Variants in ECRG4 observed in about 807,000 individuals in gnomAD.
ECRG4 encodes ECRG4 augurin precursor, also known as augurin.
ECRG4 carries 18 observed loss-of-function variants against 15.8 expected under a neutral mutation model. That is an observed-to-expected ratio of 1.14 (90% CI 0.79 to 1.69). The LOEUF (loss-of-function observed/expected upper bound fraction) is 1.69. Among genes scored for constraint, ECRG4 ranks in the 40% most tolerant of loss-of-function variants. The pLI, the probability that ECRG4 is intolerant of heterozygous loss-of-function variation, is 0.00. For synonymous variants in ECRG4, 82 were observed against 73.9 expected, an observed-to-expected ratio of 1.11 and a Z score of -0.56; for missense variants, 200 against 190.9, an observed-to-expected ratio of 1.05 and a Z score of -0.28.
chr2:106,070,889 C>T (rs1174234394), intron 1 of ECRG4: 1 of 470,974 alleles, frequency 2.1e-6, no homozygotes, highest in East Asian at 7.0e-5. Flanking sequence ...TTCCTTACAC[C>T]CGAAGTTGCT....
At chr2:106,067,421 T>A (rs1676250292) in intron 1 of ECRG4, among the ~76,000 whole-genome samples, 1 of 152,242 alleles carries the variant, frequency 6.6e-6, no homozygotes, top group Non-Finnish European at 1.5e-5. Flanking sequence ...AATAACTCAG[T>A]TAAAATATCA....
At position 106,074,063 on chromosome 2, in the gene ECRG4, G is replaced by A. The variant is rs760770764; in HGVS notation, c.285+20G>A. 1 of 1,608,536 alleles carries A rather than the reference G, an allele frequency of 6.2e-7. No individual in the cohort carries two copies. The highest frequency in any genetic ancestry group is 8.5e-7 in the Non-Finnish European group (1 of 1,176,668). The stretch of plus-strand genomic sequence containing the variant: ...GAAGCGGTAGGTGTTGCCTCCGGCT[G>A]CAGGCCTGGCTTCCACAGGGAAGGG... On this transcript the variant is annotated intron_variant, in intron 3 of 3. Coordinates refer to ENST00000238044, the MANE Select transcript of ECRG4 (RefSeq NM_032411.3).
At chr2:106,064,784 C>T (rs1190211755), upstream of ECRG4, among the ~76,000 whole-genome samples, 10 of 152,204 alleles carry the variant, frequency 6.6e-5, no homozygotes, top group Admixed American at 2.0e-4. Flanking sequence ...ACATCTCCAT[C>T]CTTTTGTAGC....
At chr2:106,070,658 CACAA>C (rs963313850) in intron 1 of ECRG4, 4 of 201,008 alleles carry the variant, frequency 2.0e-5, no homozygotes, top group East Asian at 2.6e-4. Context: ...ATGTATAATT[CACAA>C]ACAAAGCAGG....
upstream of ECRG4, among the ~76,000 whole-genome samples, chr2:106,063,912 G>A (rs570663716): frequency 1.3e-5 from 2 of 152,336 alleles, no homozygotes; most frequent in South Asian, 2.1e-4. Context: ...TGTCATATTA[G>A]AAGTAGATAT....
intron 1 of ECRG4, chr2:106,071,039 A>G: frequency 2.1e-6 from 1 of 471,006 alleles, no homozygotes; most frequent in Non-Finnish European, 4.4e-6. Context: ...AGCTGATCAG[A>G]AACACTTTTA....
At chr2:106,064,705 G>A (rs1300479545), upstream of ECRG4, among the ~76,000 whole-genome samples, 2 of 152,152 alleles carry the variant, frequency 1.3e-5, no homozygotes, top group Admixed American at 6.6e-5. Flanking sequence ...TGAGAACCTT[G>A]GTGAAGGAAA....
chr2:106,068,211 C>G (rs1467087480), intron 1 of ECRG4, among the ~76,000 whole-genome samples: 2 of 152,054 alleles, frequency 1.3e-5, no homozygotes, highest in Non-Finnish European at 2.9e-5. Flanking sequence ...TAATATTAAG[C>G]ACCTTCAAAG....
chr2:106,070,525 CT>C (rs1239770766), intron 1 of ECRG4, among the ~76,000 whole-genome samples: 1 of 152,200 alleles, frequency 6.6e-6, no homozygotes, highest in East Asian at 1.9e-4. Context: ...AAAATGCAGC[CT>C]CAGGTGAGGC....
Position 106,075,164 on chromosome 2 carries a change from T to C in ECRG4, c.285+1121T>C, listed in dbSNP as rs1676458248. On this transcript the variant is annotated intron_variant, in intron 3 of 3. Coordinates refer to ENST00000238044, the MANE Select transcript of ECRG4 (RefSeq NM_032411.3). Reference sequence around the variant, plus strand: ...CTGTTATTTGCATCTCTGTACAGTTTGCCTTTTACTTAGACCACATTCTTC... The same window carrying C: ...CTGTTATTTGCATCTCTGTACAGTTCGCCTTTTACTTAGACCACATTCTTC... Among the ~76,000 whole-genome samples the C allele has an allele frequency of 2.0e-5, 3 of 152,220 alleles. No individual in the cohort carries two copies. In the South Asian group the frequency reaches 6.2e-4, roughly 32 times the overall value.
At chr2:106,063,615 C>T (rs1676146398), upstream of ECRG4, among the ~76,000 whole-genome samples, 14 of 152,138 alleles carry the variant, frequency 9.2e-5, no homozygotes, top group Admixed American at 9.2e-4. Context: ...TAGTGTCTCG[C>T]TTTGTCACCC....
chr2:106,074,502 T>C (rs1413554232), intron 3 of ECRG4, among the ~76,000 whole-genome samples: 2 of 152,148 alleles, frequency 1.3e-5, no homozygotes, highest in African/African-American at 4.8e-5. Flanking sequence ...TGGGTCTTTG[T>C]AGAGGTTTTG....
intron 3 of ECRG4, among the ~76,000 whole-genome samples, chr2:106,077,376 C>T (rs1676508618): frequency 6.6e-6 from 1 of 152,148 alleles, no homozygotes. Context: ...GGGCCAGGCA[C>T]AGGAATGGGG....
chr2:106,070,408 A>G (rs1307719527), intron 1 of ECRG4, among the ~76,000 whole-genome samples: 1 of 152,208 alleles, frequency 6.6e-6, no homozygotes, highest in African/African-American at 2.4e-5. Flanking sequence ...TCCAAATGCT[A>G]CAGGAGGCTA....
At chr2:106,071,938 A>G (rs571301511) in intron 2 of ECRG4, 47 bp downstream of exon 2, 24 of 1,502,760 alleles carry the variant, frequency 1.6e-5, no homozygotes, top group Non-Finnish European at 1.9e-5. Context: ...AACTGGATGG[A>G]AATGAAATGG....
chr2:106,066,480 C>G (rs1676217807), intron 1 of ECRG4, among the ~76,000 whole-genome samples: 2 of 152,228 alleles, frequency 1.3e-5, no homozygotes, highest in African/African-American at 4.8e-5. Context: ...GATATCTGAT[C>G]GCTGGGCTCC....
chr2:106,067,032 A>G (rs1676229967), intron 1 of ECRG4, among the ~76,000 whole-genome samples: 1 of 112,046 alleles, frequency 8.9e-6, no homozygotes, highest in African/African-American at 3.4e-5. Flanking sequence ...GGTGGTTCAT[A>G]CCTGTAATCC....
chr2:106,065,617 C>G, upstream of ECRG4: 1 of 511,724 alleles, frequency 2.0e-6, no homozygotes, highest in Non-Finnish European at 3.2e-6. Flanking sequence ...CCCTCTGGCG[C>G]GGCGCCCACC....
intron 3 of ECRG4, among the ~76,000 whole-genome samples, chr2:106,074,758 G>A (rs10190891): frequency 0.022 from 3,302 of 152,322 alleles, 131 homozygotes; most frequent in African/African-American, 0.072. Context: ...CCTGTGGCCT[G>A]TGCTGCCCCA....
Sources: gnomAD v4.1 joint callset for allele counts (sites outside exome capture counted in the v4.1 genomes callset) on GRCh38, gnomAD v4.1.1 for gene constraint, MANE v1.5 for transcripts, NCBI Gene and HGNC (gene_info 2026-07-23, HGNC 2026-07-21) for gene names.